NPSR1: variants seen among roughly 807,000 people sequenced by gnomAD.
NPSR1 encodes neuropeptide S receptor.
Under a neutral mutation model 46.9 loss-of-function variants are expected in NPSR1, and 48 were observed. The ratio of observed to expected loss-of-function variants is 1.02; its 90% CI spans 0.81 to 1.30. NPSR1 has a LOEUF of 1.30. NPSR1 is among the 50% of genes most tolerant of loss of function. The pLI is 0.00. For missense variants in NPSR1, 450 were observed against 449.5 expected (o/e 1.00, Z -0.01); for synonymous variants, 176 against 168.1 (o/e 1.05, Z -0.36).
At chr7:34,735,858 T>G (rs1784642626) in intron 2 of NPSR1, among the ~76,000 whole-genome samples, 1 of 152,084 alleles carries the variant, frequency 6.6e-6, no homozygotes, top group African/African-American at 2.4e-5. Context: ...TCCACACAAA[T>G]AATATTATGT....
At chr7:34,817,898 G>A (rs1789326289) in intron 4 of NPSR1, among the ~76,000 whole-genome samples, 1 of 152,120 alleles carries the variant, frequency 6.6e-6, no homozygotes, top group Non-Finnish European at 1.5e-5. Context: ...CAATAAACTA[G>A]GTATTGATTG....
chr7:34,851,299 T>C (rs1403025053), downstream of NPSR1, among the ~76,000 whole-genome samples: 1 of 141,376 alleles, frequency 7.1e-6, no homozygotes, highest in African/African-American at 2.6e-5. Flanking sequence ...TTTAAGGTCA[T>C]GTGGGCTTTT....
chr7:34,842,844 T>C (rs779038873), intron 6 of NPSR1, among the ~76,000 whole-genome samples: 1 of 152,236 alleles, frequency 6.6e-6, no homozygotes, highest in Non-Finnish European at 1.5e-5. Context: ...CCCAAGCTCC[T>C]CAGAAAGACA....
chr7:34,844,579 C>T (rs1790681714), intron 6 of NPSR1, among the ~76,000 whole-genome samples: 1 of 152,180 alleles, frequency 6.6e-6, no homozygotes, highest in South Asian at 2.1e-4. Flanking sequence ...TAGCACTCCT[C>T]AGGGAAGCCC....
intron 3 of NPSR1, among the ~76,000 whole-genome samples, chr7:34,791,640 A>G (rs1187439332): frequency 2.6e-5 from 4 of 152,074 alleles, no homozygotes; most frequent in Non-Finnish European, 5.9e-5. Context: ...AAAGCTATCT[A>G]CAGATTCAAT....
At chr7:34,840,025 G>C (rs566884170) in intron 6 of NPSR1, among the ~76,000 whole-genome samples, 9 of 152,240 alleles carry the variant, frequency 5.9e-5, no homozygotes, top group Non-Finnish European at 8.8e-5. Context: ...AGGTTGTCAG[G>C]GCTCCTGCTT....
Position 34,709,107 on chromosome 7 carries a change from A to G in NPSR1, c.280+24423A>G, listed in dbSNP as rs149756933. On this transcript the variant is annotated intron_variant, in intron 2 of 8. Transcript: ENST00000360581. Reference sequence around the variant, plus strand: ...AGTTGCAGGGTCATTCTTCTCCTCAAGAGGCTTGAGAGTAACTAAGTATCT... The same window carrying G: ...AGTTGCAGGGTCATTCTTCTCCTCAGGAGGCTTGAGAGTAACTAAGTATCT... Among the ~76,000 whole-genome samples, 66 of 152,278 alleles carry G rather than the reference A, an allele frequency of 4.3e-4. No homozygotes were observed. In the East Asian group the frequency reaches 0.012, roughly 28 times the overall value.
At chr7:34,737,115 C>T (rs1384233316) in intron 2 of NPSR1, among the ~76,000 whole-genome samples, 1 of 152,060 alleles carries the variant, frequency 6.6e-6, no homozygotes, top group Admixed American at 6.6e-5. Flanking sequence ...ACTCCCTGGC[C>T]TCTCTATACC....
chr7:34,789,638 C>G (rs1451114984), intron 3 of NPSR1, among the ~76,000 whole-genome samples: 1 of 136,086 alleles, frequency 7.3e-6, no homozygotes, highest in African/African-American at 2.7e-5. Flanking sequence ...ACTAAAGATA[C>G]AAAAATTAGC....
downstream of NPSR1, among the ~76,000 whole-genome samples, chr7:34,853,932 C>T (rs772578095): frequency 3.3e-5 from 5 of 151,128 alleles, no homozygotes; most frequent in Non-Finnish European, 7.4e-5. Context: ...CACCATTGCA[C>T]TCTGGCCTGG....
intron 5 of NPSR1, among the ~76,000 whole-genome samples, chr7:34,833,345 C>T (rs902710732): frequency 6.6e-6 from 1 of 152,138 alleles, no homozygotes; most frequent in African/African-American, 2.4e-5. Context: ...CTTGCTGACA[C>T]TTTTGAATCC....
chr7:34,763,917 C>CT (rs963773007), intron 2 of NPSR1, among the ~76,000 whole-genome samples: 16 of 151,972 alleles, frequency 1.1e-4, no homozygotes, highest in African/African-American at 1.7e-4. Context: ...AAAGACTTGA[C>CT]TTTTTTTTAG....
intron 2 of NPSR1, among the ~76,000 whole-genome samples, chr7:34,747,492 T>C (rs1474988536): frequency 1.3e-5 from 2 of 152,202 alleles, no homozygotes; most frequent in Non-Finnish European, 2.9e-5. Flanking sequence ...AAGAAGGCCC[T>C]GCATTTGGAA....
At chr7:34,675,152 A>T (rs1031982451) in intron 1 of NPSR1, among the ~76,000 whole-genome samples, 1 of 152,206 alleles carries the variant, frequency 6.6e-6, no homozygotes, top group African/African-American at 2.4e-5. Context: ...CTCGTTGGTC[A>T]GGTTGTTATG....
Position 34,750,340 on chromosome 7 carries a change from C to G in NPSR1, c.281-28122C>G. ...CTGTCATCTAGGCTAAAAAATCTTC[C>G]TCACTTGACTCATCACTTGAGAAGA... On this transcript the variant is annotated intron_variant, in intron 2 of 8. Coordinates refer to ENST00000360581, the MANE Select transcript of NPSR1 (RefSeq NM_207172.2). 4.2e-6 allele frequency: 3 copies of G among 715,452 alleles called. No homozygotes were observed. The South Asian group carries it at 4.2e-5, about 10-fold the overall frequency. 44.3% of individuals were successfully genotyped at this position (715,452 alleles called of 1,614,324 possible). A position where few individuals can be genotyped will look rare whatever the true frequency, so the allele number is the denominator to read the frequency against.
intron 8 of NPSR1, among the ~76,000 whole-genome samples, chr7:34,875,295 A>G (rs1791548856): frequency 6.6e-6 from 1 of 152,192 alleles, no homozygotes; most frequent in South Asian, 2.1e-4. Context: ...TCTTTCTTGG[A>G]AGCTTAGTAA....
At chr7:34,802,300 A>T (rs182835036) in intron 3 of NPSR1, among the ~76,000 whole-genome samples, 1 of 150,312 alleles carries the variant, frequency 6.7e-6, no homozygotes, top group East Asian at 1.9e-4. Context: ...GCATCACACT[A>T]CCTGACTTCA....
intron 2 of NPSR1, among the ~76,000 whole-genome samples, chr7:34,720,305 G>A (rs1336360368): frequency 6.6e-6 from 1 of 150,824 alleles, no homozygotes; most frequent in African/African-American, 2.4e-5. Flanking sequence ...GCCAGACAAA[G>A]GCAAGGCAGA....
At chr7:34,689,604 C>CAAAAAAAAAAAAAAAAAAA (rs869170591) in intron 2 of NPSR1, among the ~76,000 whole-genome samples, 34 of 36,678 alleles carry the variant, frequency 9.3e-4, no homozygotes, top group South Asian at 2.2e-3. Flanking sequence ...GACTCTGTCT[C>CAAAAAAAAAAAAAAAAAAA]AAAAAAAAAA....
Sources: allele counts gnomAD v4.1 joint callset (sites outside exome capture counted in the v4.1 genomes callset), GRCh38; gene constraint gnomAD v4.1.1; transcripts MANE v1.5; gene names NCBI Gene and HGNC (gene_info 2026-07-23, HGNC 2026-07-21).